BRWD3: variants seen among roughly 807,000 people sequenced by gnomAD.
The protein encoded by BRWD3 is bromodomain and WD repeat-containing protein 3.
Under a neutral mutation model 149.7 loss-of-function variants are expected in BRWD3, and 10 were observed. That is an observed-to-expected ratio of 0.07 (90% CI 0.04 to 0.11). BRWD3 has a LOEUF of 0.11. BRWD3 is among the 10% of genes least tolerant of loss of function. The pLI is 1.00. For missense variants in BRWD3, 940 were observed against 1,373.2 expected, an observed-to-expected ratio of 0.68 and a Z score of 4.99; for synonymous variants, 504 against 456.7, an observed-to-expected ratio of 1.10 and a Z score of -1.32.
intron 15 of BRWD3, 95 bp downstream of exon 15, chrX:80,724,838 A>C (rs1219256546): frequency 7.2e-6 from 7 of 968,559 alleles, no homozygotes; most frequent in Non-Finnish European, 8.8e-6. Context: ...ATATGACAAG[A>C]GGTTCCTCTG....
intron 6 of BRWD3, among the ~76,000 whole-genome samples, chrX:80,781,592 G>A (rs746797485): frequency 3.6e-5 from 4 of 110,867 alleles, no homozygotes; most frequent in South Asian, 7.6e-4. Context: ...AGTAGGGGTC[G>A]TGCAGTTGAG....
At chrX:80,746,486 G>A (rs2073595859) in intron 6 of BRWD3, among the ~76,000 whole-genome samples, 1 of 109,792 alleles carries the variant, frequency 9.1e-6, no homozygotes, top group Admixed American at 9.8e-5. Flanking sequence ...CAAATACCAC[G>A]TGGATTCTGC....
chrX:80,670,626 C>T lies in BRWD3; in HGVS notation c.*5983G>A, dbSNP rs2072315966. ...GTAGATACGGTGTCTCACTATGCTG[C>T]CCAGGCTGGTCTTGAACTCCTGGGC... On this transcript the variant is annotated 3_prime_UTR_variant, in exon 41 of 41. Transcript: ENST00000373275. 9.1e-6 allele frequency among the ~76,000 whole-genome samples: 1 copy of T among 110,423 alleles called. No homozygotes were observed. Among genetic ancestry groups the T allele is most frequent in the Non-Finnish European group, 1.9e-5 (1 of 52,883 alleles).
intron 23 of BRWD3, 122 bp downstream of exon 23, chrX:80,704,556 A>T: frequency 1.4e-6 from 1 of 726,922 alleles, no homozygotes; most frequent in Non-Finnish European, 2.0e-6. Flanking sequence ...AACTACTTTT[A>T]CTTACTTTCT....
At chrX:80,766,005 T>A (rs2073854452) in intron 6 of BRWD3, among the ~76,000 whole-genome samples, 1 of 112,340 alleles carries the variant, frequency 8.9e-6, no homozygotes, top group Non-Finnish European at 1.9e-5. Context: ...ATAGTTTTAA[T>A]GTGTCAACTA....
chrX:80,707,155 T>C (rs1019890094), intron 22 of BRWD3, among the ~76,000 whole-genome samples: 1 of 112,119 alleles, frequency 8.9e-6, no homozygotes, highest in Non-Finnish European at 1.9e-5. Flanking sequence ...GACTGAAACA[T>C]CATTATGCAG....
intron 6 of BRWD3, among the ~76,000 whole-genome samples, chrX:80,787,590 G>T (rs1222959852): frequency 9.5e-6 from 1 of 104,719 alleles, no homozygotes; most frequent in Admixed American, 1.0e-4. Flanking sequence ...AAAAAAAAAT[G>T]AATTCAATCT....
chrX:80,732,111 A>G (rs1053493051), intron 12 of BRWD3, among the ~76,000 whole-genome samples: 37 of 111,037 alleles, frequency 3.3e-4, no homozygotes, highest in Non-Finnish European at 2.3e-4. Context: ...GGCTACGTGT[A>G]TAAGGTATAT....
intron 6 of BRWD3, among the ~76,000 whole-genome samples, chrX:80,756,424 C>T (rs962883577): frequency 3.2e-5 from 3 of 95,157 alleles, no homozygotes; most frequent in African/African-American, 1.1e-4. Flanking sequence ...ATTGCTTGAA[C>T]CCGGGAGGTG....
At chrX:80,712,734 A>G (rs1362395466) in intron 20 of BRWD3, among the ~76,000 whole-genome samples, 1 of 107,917 alleles carries the variant, frequency 9.3e-6, no homozygotes, top group Admixed American at 9.7e-5. Context: ...CCATCGTCTG[A>G]GATGTGGGGA....
chrX:80,704,000 TAC>T (rs2072827209), intron 23 of BRWD3, among the ~76,000 whole-genome samples: 1 of 112,144 alleles, frequency 8.9e-6, no homozygotes, highest in African/African-American at 3.2e-5. Flanking sequence ...AATAACTACA[TAC>T]ACCAAGTCTT....
intron 4 of BRWD3, among the ~76,000 whole-genome samples, chrX:80,805,520 G>A (rs1423396278): frequency 9.0e-6 from 1 of 111,459 alleles, no homozygotes; most frequent in Admixed American, 9.6e-5. Context: ...GCTATATAAT[G>A]TAATATTCCA....
At chrX:80,713,101 G>A (rs1290658525) in intron 20 of BRWD3, among the ~76,000 whole-genome samples, 2 of 107,635 alleles carry the variant, frequency 1.9e-5, no homozygotes, top group Non-Finnish European at 3.9e-5. Context: ...CAGCCGCCCC[G>A]TCCGGGAGGT....
chrX:80,700,021 A>G lies in BRWD3; in HGVS notation c.2879T>C (p.Val960Ala). ...AACACTGTATATTTTCGATTTCCTT[A>G]CAGCCCGAACATAAGCTTCATGTCC... ...RQGHEAYVRAVRKSKIYSVNL... is the reference protein window; with the variant it reads ...RQGHEAYVRAARKSKIYSVNL... The change falls in exon 25 of 41, where the codon GTA (valine) becomes GCA (alanine). Residue 960 changes from valine to alanine, a missense_variant. Val to Ala is a moderately conservative substitution (Grantham distance 64, BLOSUM62 0). This residue lies in a region of BRWD3 where 158 missense variants were observed against 284.0 expected (regional missense o/e 0.56). Transcript: ENST00000373275. The G allele has an allele frequency of 1.7e-6, 2 of 1,210,240 alleles. No homozygotes were observed. The highest frequency in any genetic ancestry group is 2.2e-6 in the Non-Finnish European group (2 of 894,691).
rs371994257 is a variant in BRWD3 at position 80,723,888 on chromosome X, A to G, written c.1522-12T>C. 24 of 1,207,007 alleles carry G rather than the reference A, an allele frequency of 2.0e-5. No homozygotes were observed. The highest frequency in any genetic ancestry group is 2.6e-5 in the Non-Finnish European group (23 of 892,596). ...CCTTGGCCTTCAATCTGAAATTCAGAGGAGTCTCAAGTCATCTTAAGAGTA... is the reference window on the plus strand; with the variant it reads ...CCTTGGCCTTCAATCTGAAATTCAGGGGAGTCTCAAGTCATCTTAAGAGTA... On this transcript the variant is annotated splice_polypyrimidine_tract_variant and intron_variant, in intron 15 of 40. Coordinates refer to ENST00000373275, the MANE Select transcript of BRWD3 (RefSeq NM_153252.5).
At chrX:80,795,498 T>C (rs1367762614) in intron 4 of BRWD3, among the ~76,000 whole-genome samples, 1 of 109,541 alleles carries the variant, frequency 9.1e-6, no homozygotes, top group Non-Finnish European at 1.9e-5. Context: ...TATGTGTATA[T>C]ATGTATATGT....
At chrX:80,707,970 C>A (rs1189184312) in intron 21 of BRWD3, among the ~76,000 whole-genome samples, 1 of 111,909 alleles carries the variant, frequency 8.9e-6, no homozygotes, top group Non-Finnish European at 1.9e-5. Context: ...ATACCCTCAC[C>A]CACTGCCTTA....
At position 80,725,854 on chromosome X, in the gene BRWD3, A is replaced by G. The variant is rs28645736; in HGVS notation, c.1387-787T>C. Among the ~76,000 whole-genome samples the G allele has an allele frequency of 2.7e-3, 284 of 107,040 alleles. 2 individuals are homozygous for G. Among genetic ancestry groups the G allele is most frequent in the African/African-American group, 9.2e-3 (266 of 29,008 alleles). The allele number at this position is 107,040 out of a possible 115,157, so 93.0% of individuals were successfully genotyped here. A position where few individuals can be genotyped will look rare whatever the true frequency, so the allele number is the denominator to read the frequency against. ...ACATGTTTACATGTGTTACATGCCT[A>G]TATAACATAACATGTTTACATGTGT... On this transcript the variant is annotated intron_variant, in intron 14 of 40. Coordinates refer to ENST00000373275, the MANE Select transcript of BRWD3 (RefSeq NM_153252.5).
intron 4 of BRWD3, among the ~76,000 whole-genome samples, chrX:80,806,069 C>T (rs2074345738): frequency 9.0e-6 from 1 of 111,611 alleles, no homozygotes; most frequent in African/African-American, 3.3e-5. Context: ...GCAATCAAAC[C>T]AACACTGCAC....
Sources: allele counts gnomAD v4.1 joint callset (sites outside exome capture counted in the v4.1 genomes callset), GRCh38; gene constraint gnomAD v4.1.1; regional missense constraint gnomAD v4.1.1; transcripts MANE v1.5; gene names NCBI Gene and HGNC (gene_info 2026-07-23, HGNC 2026-07-21).